SRPK2: variants seen among roughly 807,000 people sequenced by gnomAD.
The protein encoded by SRPK2 is SFRS protein kinase 2.
A neutral mutation model predicts 90.8 loss-of-function variants in SRPK2; 21 were observed. The ratio of observed to expected loss-of-function variants is 0.23; its 90% CI spans 0.16 to 0.33. SRPK2 has a LOEUF of 0.33. SRPK2 is among the 10% of genes least tolerant of loss of function. The probability of loss-of-function intolerance (pLI) is 1.00; values close to 1 mark genes in which losing one functional copy is unlikely to be tolerated. For missense variants in SRPK2, 620 were observed against 869.0 expected (o/e 0.71, Z 3.60); for synonymous variants, 288 against 311.1 (o/e 0.93, Z 0.78).
chr7:105,279,999 A>G (rs1807045971), intron 2 of SRPK2, among the ~76,000 whole-genome samples: 1 of 152,244 alleles, frequency 6.6e-6, no homozygotes, highest in Non-Finnish European at 1.5e-5. Flanking sequence ...AATTTTACAG[A>G]TTATATCATA....
intron 2 of SRPK2, among the ~76,000 whole-genome samples, chr7:105,324,276 G>C (rs542563836): frequency 1.2e-4 from 18 of 151,758 alleles, no homozygotes; most frequent in Non-Finnish European, 1.8e-4. Flanking sequence ...CAAAGTGCTG[G>C]GATTACAGAC....
chr7:105,223,737 C>A (rs1798377611), intron 2 of SRPK2, among the ~76,000 whole-genome samples: 1 of 152,182 alleles, frequency 6.6e-6, no homozygotes, highest in African/African-American at 2.4e-5. Flanking sequence ...TTTCTTGAAG[C>A]TAATTTTTGT....
chr7:105,317,109 G>T (rs936616943), intron 2 of SRPK2, among the ~76,000 whole-genome samples: 1 of 152,152 alleles, frequency 6.6e-6, no homozygotes, highest in Admixed American at 6.5e-5. Context: ...CAAACCTTCA[G>T]AAGTCTCCAA....
intron 2 of SRPK2, among the ~76,000 whole-genome samples, chr7:105,365,992 C>A (rs893776513): frequency 6.6e-6 from 1 of 151,940 alleles, no homozygotes; most frequent in African/African-American, 2.4e-5. Context: ...GTAGCTGCGA[C>A]TACAGGCGCA....
intron 2 of SRPK2, chr7:105,301,832 CAA>C: frequency 6.4e-7 from 1 of 1,561,392 alleles, no homozygotes; most frequent in Non-Finnish European, 8.8e-7. Flanking sequence ...TTGAATATGC[CAA>C]AGACAATAAG....
At chr7:105,211,671 C>T (rs1796880530) in intron 2 of SRPK2, among the ~76,000 whole-genome samples, 1 of 152,152 alleles carries the variant, frequency 6.6e-6, no homozygotes, top group Non-Finnish European at 1.5e-5. Flanking sequence ...GATCCAATCA[C>T]CTCCCACCAG....
chr7:105,132,077 T>C (rs1412302668), intron 13 of SRPK2, among the ~76,000 whole-genome samples: 1 of 152,108 alleles, frequency 6.6e-6, no homozygotes, highest in East Asian at 1.9e-4. Flanking sequence ...AATGCAACTG[T>C]GCAGCACAAA....
At chr7:105,189,340 G>T in intron 3 of SRPK2, 1 of 160,108 alleles carries the variant, frequency 6.2e-6, no homozygotes, top group Non-Finnish European at 1.4e-5. Context: ...AAAGGCCCTG[G>T]CCTATGGTGA....
At chr7:105,244,579 CAAT>C (rs1335437303) in intron 2 of SRPK2, 3 of 619,730 alleles carry the variant, frequency 4.8e-6, no homozygotes, top group Admixed American at 5.3e-5. Flanking sequence ...GTCTCAACAA[CAAT>C]AAAAAAATCC....
intron 2 of SRPK2, among the ~76,000 whole-genome samples, chr7:105,359,551 G>T (rs1818196510): frequency 6.6e-6 from 1 of 152,134 alleles, no homozygotes; most frequent in Non-Finnish European, 1.5e-5. Flanking sequence ...TCAATAATCA[G>T]AACGCCTCTG....
intron 2 of SRPK2, among the ~76,000 whole-genome samples, chr7:105,257,291 C>T (rs1466657758): frequency 6.6e-6 from 1 of 152,208 alleles, no homozygotes; most frequent in Non-Finnish European, 1.5e-5. Flanking sequence ...TGCACTATGA[C>T]TGTTGAAAGT....
intron 7 of SRPK2, among the ~76,000 whole-genome samples, chr7:105,158,662 C>T (rs528222496): frequency 2.6e-5 from 4 of 152,210 alleles, no homozygotes; most frequent in East Asian, 1.9e-4. Flanking sequence ...ATGGAGCCTG[C>T]GGGAAATACA....
chr7:105,389,158 C>G (rs1161615720), upstream of SRPK2: 2 of 1,020,364 alleles, frequency 2.0e-6, no homozygotes, highest in African/African-American at 3.5e-5. Flanking sequence ...CTCCTGCGAT[C>G]CTGCGGCTGG....
intron 2 of SRPK2, chr7:105,297,441 T>C: frequency 1.0e-6 from 1 of 985,174 alleles, no homozygotes; most frequent in African/African-American, 1.7e-5. Context: ...ATTTGCATAT[T>C]TTTCAAAACA....
intron 2 of SRPK2, among the ~76,000 whole-genome samples, chr7:105,273,453 T>C (rs1328905054): frequency 2.0e-5 from 3 of 148,800 alleles, no homozygotes; most frequent in African/African-American, 7.5e-5. Flanking sequence ...TGAGACAGAG[T>C]CTCGTTCTGC....
intron 2 of SRPK2, among the ~76,000 whole-genome samples, chr7:105,348,974 C>T (rs1816811986): frequency 1.3e-5 from 2 of 150,782 alleles, no homozygotes; most frequent in Admixed American, 1.3e-4. Flanking sequence ...GGTGAAACCC[C>T]ATCTCTACTA....
chr7:105,200,261 A>G (rs1366334472), intron 3 of SRPK2, among the ~76,000 whole-genome samples: 2 of 152,184 alleles, frequency 1.3e-5, no homozygotes, highest in African/African-American at 4.8e-5. Context: ...AGATCACACC[A>G]CTGCACTACA....
intron 2 of SRPK2, among the ~76,000 whole-genome samples, chr7:105,235,263 A>G (rs1799981743): frequency 6.6e-6 from 1 of 152,260 alleles, no homozygotes; most frequent in African/African-American, 2.4e-5. Flanking sequence ...TTAATGTTTA[A>G]TTCAAGTACA....
Position 105,396,776 on chromosome 7 carries a change from G to GAA in SRPK2, n.153+2379_153+2380insTT, listed in dbSNP as rs747750709. Among the ~76,000 whole-genome samples the GAA allele has an allele frequency of 9.4e-3, 1,169 of 124,900 alleles. 7 individuals carry two copies. Among genetic ancestry groups the GAA allele is most frequent in the African/African-American group, 0.025 (766 of 30,396 alleles). 81.9% of individuals were successfully genotyped at this position (124,900 alleles called of 152,430 possible). A position where few individuals can be genotyped will look rare whatever the true frequency, so the allele number is the denominator to read the frequency against. ...AGGAGAGGAAAGAGAGAGAAAGAAA[G>GAA]AGAGAGAAAGAAAGAAAGAGAAAGA... On this transcript the variant is annotated intron_variant and non_coding_transcript_variant, in intron 1 of 3. Coordinates refer to the SRPK2 transcript ENST00000462282.
Sources: gnomAD v4.1 joint callset for allele counts (sites outside exome capture counted in the v4.1 genomes callset) on GRCh38, gnomAD v4.1.1 for gene constraint, MANE v1.5 for transcripts, NCBI Gene and HGNC (gene_info 2026-07-23, HGNC 2026-07-21) for gene names.